G3BP1: variants seen among roughly 807,000 people sequenced by gnomAD.
The protein encoded by G3BP1 is ras GTPase-activating protein-binding protein 1.
A neutral mutation model predicts 58.6 loss-of-function variants in G3BP1; 35 were observed. The observed-to-expected ratio is 0.60, with a 90% confidence interval of 0.46 to 0.79. The LOEUF is 0.79. Among genes scored for constraint, G3BP1 ranks in the 30% least tolerant of loss-of-function variants. G3BP1 has a pLI of 0.00. For synonymous variants in G3BP1, 191 were observed against 195.4 expected (o/e 0.98, Z 0.19); for missense variants, 523 against 580.8 (o/e 0.90, Z 1.02).
intron 1 of G3BP1, among the ~76,000 whole-genome samples, chr5:151,784,263 AT>A (rs1014185919): frequency 1.9e-4 from 28 of 151,206 alleles, no homozygotes; most frequent in Middle Eastern, 3.4e-3. Context: ...CACTTAGCTA[AT>A]TTTTTTTTCT....
At chr5:151,779,567 T>G (rs577910488) in intron 1 of G3BP1, among the ~76,000 whole-genome samples, 1 of 152,230 alleles carries the variant, frequency 6.6e-6, no homozygotes, top group Non-Finnish European at 1.5e-5. Flanking sequence ...TATTTGTGTA[T>G]ACTAAAAACA....
At position 151,800,842 on chromosome 5, in the gene G3BP1, GC is replaced by G; in HGVS notation, c.1169del (p.Pro390LeufsTer19). Reference sequence around the variant, plus strand: ...GTTTTGTTGTGTTTGATGATTCTGAGCCTGTTCAGAAAGTCCTTAGCAACAG... The same window carrying G: ...GTTTTGTTGTGTTTGATGATTCTGAGCTGTTCAGAAAGTCCTTAGCAACAG... Reference protein sequence around the residue: ...FGFVVFDDSEPVQKVLSNRPI... With the variant: ...FGFVVFDDSEXVQKVLSNRPI... On this transcript the variant is annotated frameshift_variant, in exon 11 of 12. Coordinates refer to ENST00000356245, the MANE Select transcript of G3BP1 (RefSeq NM_005754.3). LOFTEE classifies it high-confidence loss of function. The G allele has an allele frequency of 6.2e-7, 1 of 1,602,820 alleles. No homozygotes were observed. The highest frequency in any genetic ancestry group is 8.5e-7 in the Non-Finnish European group (1 of 1,170,246).
At chr5:151,772,221 C>T (rs1295198242) in intron 1 of G3BP1, 185 bp downstream of exon 1, 2 of 150,556 alleles carry the variant, frequency 1.3e-5, no homozygotes, top group East Asian at 1.9e-4. Context: ...CTCCTCGCTC[C>T]CGCTCCCGTC....
At chr5:151,794,808 ATATT>A (rs1399321856) in intron 5 of G3BP1, among the ~76,000 whole-genome samples, 7 of 152,238 alleles carry the variant, frequency 4.6e-5, no homozygotes, top group Non-Finnish European at 1.0e-4. Context: ...GGCTGAGAGT[ATATT>A]TATTTTGTAA....
intron 4 of G3BP1, among the ~76,000 whole-genome samples, chr5:151,793,678 C>T (rs1327418115): frequency 6.6e-6 from 1 of 151,926 alleles, no homozygotes; most frequent in Non-Finnish European, 1.5e-5. Flanking sequence ...TATAAGTTGT[C>T]AGTAGCATTC....
At chr5:151,776,421 G>A (rs1463452693) in intron 1 of G3BP1, among the ~76,000 whole-genome samples, 4 of 152,166 alleles carry the variant, frequency 2.6e-5, no homozygotes, top group African/African-American at 7.2e-5. Flanking sequence ...AGAGGGAGGA[G>A]AATGTGAATT....
intron 1 of G3BP1, among the ~76,000 whole-genome samples, chr5:151,773,400 C>G (rs1369678508): frequency 6.6e-6 from 1 of 152,198 alleles, no homozygotes; most frequent in African/African-American, 2.4e-5. Context: ...TTGGAAAAAA[C>G]AACTGTGACA....
intron 11 of G3BP1, among the ~76,000 whole-genome samples, chr5:151,803,156 A>T (rs1762883159): frequency 6.6e-6 from 1 of 152,248 alleles, no homozygotes; most frequent in Admixed American, 6.5e-5. Flanking sequence ...AGCAAATTAA[A>T]GTTTATGTCA....
In G3BP1 at chr5:151,792,263, A is replaced by G. The variant is rs560623796; in HGVS notation, c.351+1201A>G. ...ATGGCATAGTAAGAAATTGTTGATT[A>G]AATCATTGTTTTCTCTAGCATTAAT... is the stretch of plus-strand genomic sequence containing the variant. On this transcript the variant is annotated intron_variant, in intron 4 of 11. Coordinates refer to ENST00000356245, the MANE Select transcript of G3BP1 (RefSeq NM_005754.3). 1.2e-4 allele frequency: 31 copies of G among 264,342 alleles called. 1 individual carries two copies. Among genetic ancestry groups the G allele is most frequent in the Middle Eastern group, 5.0e-4 (1 of 1,994 alleles). 16.4% of individuals were successfully genotyped at this position (264,342 alleles called of 1,614,324 possible).
intron 1 of G3BP1, among the ~76,000 whole-genome samples, chr5:151,783,289 A>G (rs980713821): frequency 6.6e-6 from 1 of 152,220 alleles, no homozygotes; most frequent in African/African-American, 2.4e-5. Flanking sequence ...TTTTTGGTCC[A>G]GAAAAGATGA....
chr5:151,806,307 G>A lies in G3BP1; in HGVS notation c.*2216G>A, dbSNP rs1762938221. 1 of 152,170 alleles carries A rather than the reference G, an allele frequency of 6.6e-6. No homozygotes were observed. Among genetic ancestry groups the A allele is most frequent in the South Asian group, 2.1e-4 (1 of 4,824 alleles). 9.4% of individuals were successfully genotyped at this position (152,170 alleles called of 1,614,324 possible). On this transcript the variant is annotated 3_prime_UTR_variant, in exon 12 of 12. Coordinates refer to ENST00000356245, the MANE Select transcript of G3BP1 (RefSeq NM_005754.3). ...CAGTAACATCTACTCTAAGGAATTAGTAATTTCACTTTTTATTATTTGTAC... is the reference window on the plus strand; with the variant it reads ...CAGTAACATCTACTCTAAGGAATTAATAATTTCACTTTTTATTATTTGTAC...
intron 7 of G3BP1, among the ~76,000 whole-genome samples, chr5:151,797,691 A>AGC (rs1475352073): frequency 6.6e-6 from 1 of 152,236 alleles, no homozygotes; most frequent in Admixed American, 6.5e-5. Context: ...GTGCCACTGT[A>AGC]GCACCCTATC....
intron 2 of G3BP1, among the ~76,000 whole-genome samples, chr5:151,788,570 ATATGTGTGTGTGTGTG>A (rs1212406739): frequency 2.1e-5 from 2 of 93,126 alleles, no homozygotes; most frequent in African/African-American, 4.3e-5. Context: ...AGCTAAGTTT[ATATGTGTGTGTGTGTG>A]TGTGTGTGTG....
Position 151,800,364 on chromosome 5 carries a change from G to A in G3BP1, c.1084+18G>A, listed in dbSNP as rs1317713993. The A allele has an allele frequency of 1.9e-5, 30 of 1,599,766 alleles. No individual in the cohort carries two copies. The East Asian group carries it at 6.7e-4, about 36-fold the overall frequency. ...CTTTCAAAGTAGGTTATTGAGTTTT[G>A]AACACTAAATTCATCTAGTGTCTCT... On this transcript the variant is annotated intron_variant, in intron 10 of 11. Coordinates refer to ENST00000356245, the MANE Select transcript of G3BP1 (RefSeq NM_005754.3).
chr5:151,800,032 G>A, intron 9 of G3BP1, 32 bp downstream of exon 9: 1 of 1,432,436 alleles, frequency 7.0e-7, no homozygotes, highest in Middle Eastern at 1.8e-4. Context: ...TTCTCGTTTG[G>A]GGGATTTTGA....
chr5:151,804,055 A>G lies in G3BP1; in HGVS notation c.1365A>G (p.Gly455=), dbSNP rs751693048. The G allele has an allele frequency of 6.2e-7, 1 of 1,612,096 alleles. No individual in the cohort carries two copies. Among genetic ancestry groups the G allele is most frequent in the Non-Finnish European group, 8.5e-7 (1 of 1,178,774 alleles). The stretch of plus-strand genomic sequence containing the variant: ...GTGGAGGCATGGTGCAGAAACCAGG[A>G]TTTGGAGTGGGAAGGGGGCTTGCGC... ...PPRGGMVQKP[G]FGVGRGLAPR... Residue 455 remains glycine, a synonymous_variant, in exon 12 of 12, where the codon GGA becomes GGG. Coordinates refer to ENST00000356245, the MANE Select transcript of G3BP1 (RefSeq NM_005754.3).
intron 1 of G3BP1, among the ~76,000 whole-genome samples, chr5:151,773,692 A>G (rs1468698999): frequency 6.6e-6 from 1 of 152,230 alleles, no homozygotes; most frequent in Non-Finnish European, 1.5e-5. Flanking sequence ...GTATTATAAT[A>G]ATGTTCCAAG....
intron 1 of G3BP1, among the ~76,000 whole-genome samples, chr5:151,784,322 C>T (rs565026493): frequency 6.6e-6 from 1 of 152,188 alleles, no homozygotes; most frequent in Admixed American, 6.5e-5. Context: ...CCAGACTAAT[C>T]TCAAACAACA....
At position 151,809,581 on chromosome 5, in the gene G3BP1, C is replaced by T. The variant is rs1209698550; in HGVS notation, c.*5490C>T. 6.6e-6 allele frequency: 1 copy of T among 152,120 alleles called. No homozygotes were observed. Among genetic ancestry groups the T allele is most frequent in the Non-Finnish European group, 1.5e-5 (1 of 68,030 alleles). The allele number at this position is 152,120 out of a possible 1,614,324, so 9.4% of individuals were successfully genotyped here. ...TTACCAAAAGGAACAGAGAAACTCT[C>T]AGAATTCTTTGAATCATAGAATGTT... On this transcript the variant is annotated 3_prime_UTR_variant, in exon 12 of 12. Coordinates refer to ENST00000356245, the MANE Select transcript of G3BP1 (RefSeq NM_005754.3).
Sources: gnomAD v4.1 joint callset for allele counts (sites outside exome capture counted in the v4.1 genomes callset) on GRCh38, gnomAD v4.1.1 for gene constraint, MANE v1.5 for transcripts, NCBI Gene and HGNC (gene_info 2026-07-23, HGNC 2026-07-21) for gene names.